Variants in RBFOX1 observed in about 807,000 individuals in gnomAD.
The protein encoded by RBFOX1 is RNA binding protein fox-1 homolog 1.
Under a neutral mutation model 57.7 loss-of-function variants are expected in RBFOX1, and 8 were observed. The observed-to-expected ratio is 0.14, with a 90% CI of 0.08 to 0.25. The LOEUF is 0.25. Among genes scored for constraint, RBFOX1 ranks in the 10% least tolerant of loss-of-function variants. RBFOX1 has a pLI of 1.00. For synonymous variants in RBFOX1, 326 were observed against 222.4 expected (o/e 1.47, Z -4.15); for missense variants, 611 against 548.5 (o/e 1.11, Z -1.14).
chr16:7,513,937 C>G (rs1003468739), intron 4 of RBFOX1, among the ~76,000 whole-genome samples: 10 of 152,216 alleles, frequency 6.6e-5, no homozygotes, highest in Admixed American at 1.3e-4. Context: ...TTGCCAGTCT[C>G]CAAGTCTAGC....
intron 2 of RBFOX1, among the ~76,000 whole-genome samples, chr16:5,548,899 A>C (rs2151078078): frequency 6.6e-6 from 1 of 152,286 alleles, no homozygotes; most frequent in Non-Finnish European, 1.5e-5. Context: ...GCACAGGGGC[A>C]CTTCCGCAAA....
chr16:6,703,153 C>G (rs370677760), intron 3 of RBFOX1, among the ~76,000 whole-genome samples: 11 of 152,234 alleles, frequency 7.2e-5, no homozygotes, highest in African/African-American at 2.4e-4. Context: ...TTTGTTATAT[C>G]ATGTTTTGTT....
intron 3 of RBFOX1, among the ~76,000 whole-genome samples, chr16:5,759,787 T>C (rs948422276): frequency 1.6e-5 from 2 of 127,572 alleles, no homozygotes; most frequent in African/African-American, 5.7e-5. Flanking sequence ...AGTATTCCTC[T>C]CTGGGATTTT....
chr16:6,979,319 A>G (rs544617219), intron 3 of RBFOX1, among the ~76,000 whole-genome samples: 6 of 152,318 alleles, frequency 3.9e-5, no homozygotes, highest in Admixed American at 2.6e-4. Context: ...ATATAATAGC[A>G]TTCAGTTGAG....
intron 10 of RBFOX1, among the ~76,000 whole-genome samples, chr16:7,610,970 A>AC (rs36064520): frequency 0.42 from 63,339 of 151,972 alleles, 15,571 homozygotes; most frequent in Non-Finnish European, 0.54. Flanking sequence ...TGAAATGAAG[A>AC]CCCCTTGTCA....
At chr16:7,163,500 C>T (rs567802955) in intron 4 of RBFOX1, among the ~76,000 whole-genome samples, 8 of 152,042 alleles carry the variant, frequency 5.3e-5, no homozygotes, top group Non-Finnish European at 1.0e-4. Context: ...TCCTTTGGTC[C>T]TTCTGTTCCC....
chr16:6,172,602 T>A (rs552378736), intron 1 of RBFOX1, among the ~76,000 whole-genome samples: 1 of 152,306 alleles, frequency 6.6e-6, no homozygotes, highest in Admixed American at 6.5e-5. Context: ...AGTGGTGGAC[T>A]TCCTGAGTTC....
intron 1 of RBFOX1, among the ~76,000 whole-genome samples, chr16:5,460,596 C>G (rs1485762562): frequency 3.3e-5 from 5 of 152,168 alleles, no homozygotes; most frequent in Non-Finnish European, 7.3e-5. Flanking sequence ...GGTGAGGGCT[C>G]GGCTGACAGT....
chr16:6,903,290 C>T (rs1247891373), intron 3 of RBFOX1, among the ~76,000 whole-genome samples: 1 of 152,078 alleles, frequency 6.6e-6, no homozygotes, highest in Non-Finnish European at 1.5e-5. Flanking sequence ...GGAGGGCTGA[C>T]CGTTCCTAGA....
intron 4 of RBFOX1, among the ~76,000 whole-genome samples, chr16:7,356,390 T>C (rs1322487660): frequency 2.0e-5 from 3 of 152,058 alleles, no homozygotes; most frequent in Admixed American, 2.0e-4. Flanking sequence ...TCTCTGAGCA[T>C]GCACACTAAA....
chr16:6,109,014 G>A (rs999377691), intron 1 of RBFOX1, among the ~76,000 whole-genome samples: 1 of 152,098 alleles, frequency 6.6e-6, no homozygotes, highest in Non-Finnish European at 1.5e-5. Flanking sequence ...ATTAGGACCT[G>A]ATATCTTCGG....
intron 2 of RBFOX1, among the ~76,000 whole-genome samples, chr16:6,603,959 C>T (rs1018634465): frequency 1.3e-5 from 2 of 152,074 alleles, no homozygotes; most frequent in African/African-American, 4.8e-5. Flanking sequence ...TGGCTTCTTC[C>T]CTCTGATCTC....
At chr16:6,949,954 T>C (rs1231928553) in intron 3 of RBFOX1, among the ~76,000 whole-genome samples, 1 of 150,440 alleles carries the variant, frequency 6.6e-6, no homozygotes, top group Non-Finnish European at 1.5e-5. Flanking sequence ...TTGTTGTTGT[T>C]GTTGTTTTTT....
In RBFOX1 at chr16:6,843,945, A is replaced by G. The variant is rs548642337; in HGVS notation, c.-16+189295A>G. The stretch of plus-strand genomic sequence containing the variant: ...CAGAATTCTCCACTGTCTCATGGAA[A>G]TCACAAGGCTTGCTTGGATCGTAAT... On this transcript the variant is annotated intron_variant, in intron 3 of 15. Transcript: ENST00000550418. Among the ~76,000 whole-genome samples, 5 of 152,288 alleles carry G rather than the reference A, an allele frequency of 3.3e-5. No individual in the cohort carries two copies. The South Asian group carries it at 1.0e-3, about 32-fold the overall frequency.
chr16:5,822,328 A>G (rs1011798986), intron 3 of RBFOX1, among the ~76,000 whole-genome samples: 7 of 152,204 alleles, frequency 4.6e-5, no homozygotes, highest in Non-Finnish European at 1.5e-5. Flanking sequence ...AATATGGTGC[A>G]GTGTTTACTG....
chr16:5,541,091 C>A (rs1329085134), intron 2 of RBFOX1, among the ~76,000 whole-genome samples: 1 of 152,098 alleles, frequency 6.6e-6, no homozygotes, highest in East Asian at 1.9e-4. Context: ...CTCAAGTGAT[C>A]CACCTGCCTG....
intron 1 of RBFOX1, among the ~76,000 whole-genome samples, chr16:6,115,859 C>T (rs762905536): frequency 5.9e-5 from 9 of 152,134 alleles, no homozygotes; most frequent in Non-Finnish European, 1.0e-4. Flanking sequence ...TCTCCTGACC[C>T]ACACAGATTT....
chr16:5,792,337 C>G lies in RBFOX1; in HGVS notation c.319-74966C>G, dbSNP rs143873376. Among the ~76,000 whole-genome samples the G allele has an allele frequency of 7.9e-5, 12 of 152,274 alleles. No homozygotes were observed. In the East Asian group the frequency reaches 2.3e-3, roughly 29 times the overall value. On this transcript the variant is annotated intron_variant, in intron 3 of 19. Coordinates refer to the RBFOX1 transcript ENST00000641259. Reference sequence around the variant, plus strand: ...ACATCACAGCTACATATACAGTTGACTCCTGCACAACATGAGTGTTAGGGG... The same window carrying G: ...ACATCACAGCTACATATACAGTTGAGTCCTGCACAACATGAGTGTTAGGGG...
intron 3 of RBFOX1, among the ~76,000 whole-genome samples, chr16:5,702,469 T>C (rs1359056914): frequency 1.4e-4 from 22 of 152,164 alleles, no homozygotes; most frequent in Admixed American, 1.2e-3. Flanking sequence ...CCATATCACC[T>C]TGGTAATCAA....
Sources: allele counts gnomAD v4.1 joint callset (sites outside exome capture counted in the v4.1 genomes callset), GRCh38; gene constraint gnomAD v4.1.1; transcripts MANE v1.5; gene names NCBI Gene and HGNC (gene_info 2026-07-23, HGNC 2026-07-21).